Variants in HDAC4 observed in about 807,000 individuals in gnomAD.
HDAC4 encodes the protein histone deacetylase A.
In HDAC4, 16 loss-of-function variants were observed where a neutral mutation model predicts 135.1. The ratio of observed to expected loss-of-function variants is 0.12; its 90% CI spans 0.08 to 0.18. The LOEUF (loss-of-function observed/expected upper bound fraction) is 0.18. HDAC4 is among the 10% of genes least tolerant of loss of function. The probability of loss-of-function intolerance (pLI) is 1.00; values close to 1 mark genes in which losing one functional copy is unlikely to be tolerated. For missense variants in HDAC4, 1,143 were observed against 1,511.8 expected, an observed-to-expected ratio of 0.76 and a Z score of 4.05; for synonymous variants, 685 against 653.4, an observed-to-expected ratio of 1.05 and a Z score of -0.74.
At chr2:239,107,888 C>T (rs574078135) in intron 15 of HDAC4, among the ~76,000 whole-genome samples, 162 bp downstream of exon 15, 151 of 152,352 alleles carry the variant, frequency 9.9e-4, no homozygotes, top group African/African-American at 3.5e-3. Context: ...AGATAGCTGC[C>T]CGCCCAAATG....
chr2:239,257,846 A>C (rs563756820), intron 2 of HDAC4, among the ~76,000 whole-genome samples: 5 of 151,806 alleles, frequency 3.3e-5, no homozygotes, highest in African/African-American at 1.2e-4. Flanking sequence ...ACAACCCAAC[A>C]AAAAAAACCC....
Position 239,307,117 on chromosome 2 carries a change from A to AT in HDAC4, c.22+45560_22+45561insA, listed in dbSNP as rs2052634098. Among the ~76,000 whole-genome samples, 1 of 151,996 alleles carries AT rather than the reference A, an allele frequency of 6.6e-6. No homozygotes were observed. Among genetic ancestry groups the AT allele is most frequent in the East Asian group, 1.9e-4 (1 of 5,138 alleles). The stretch of plus-strand genomic sequence containing the variant: ...TGGCCCATCTCAGGCCACACCCTCC[A>AT]GCTCTGTGCCTGCCGTCCATCCTGG... On this transcript the variant is annotated intron_variant, in intron 2 of 26. Coordinates refer to ENST00000543185, the MANE Select transcript of HDAC4 (RefSeq NM_001378414.1). This position sits in a 1 kb window ranked among gnomAD's most constrained non-coding sequence, Gnocchi z 4.8.
chr2:239,122,081 C>A (rs1041094998), intron 12 of HDAC4, among the ~76,000 whole-genome samples: 1 of 152,198 alleles, frequency 6.6e-6, no homozygotes, highest in Non-Finnish European at 1.5e-5. Flanking sequence ...GAGTTCACGG[C>A]CAAAACCGAA....
At chr2:239,373,567 G>A (rs113744784) in intron 1 of HDAC4, among the ~76,000 whole-genome samples, 26 of 152,066 alleles carry the variant, frequency 1.7e-4, no homozygotes, top group African/African-American at 4.8e-4. Context: ...AGGTTCAAGC[G>A]ATTCTCTCAC....
chr2:239,352,571 A>AAAAAC lies in HDAC4; in HGVS notation c.22+102_22+106dup. 1 of 1,132,360 alleles carries AAAAAC rather than the reference A, an allele frequency of 8.8e-7. No homozygotes were observed. Among genetic ancestry groups the AAAAAC allele is most frequent in the African/African-American group, 1.6e-5 (1 of 64,452 alleles). 70.1% of individuals were successfully genotyped at this position (1,132,360 alleles called of 1,614,324 possible). On this transcript the variant is annotated intron_variant, in intron 2 of 26. Transcript: ENST00000543185. This position sits in a 1 kb window ranked among gnomAD's most constrained non-coding sequence, Gnocchi z 4.4. ...AAAACCAACAGTGACCACTATCAAGAAAAACAAAAGTCTCAAATCCAGAAA... is the reference window on the plus strand; with the variant it reads ...AAAACCAACAGTGACCACTATCAAGAAAAACAAAACAAAAGTCTCAAATCCAGAAA...
intron 15 of HDAC4, 149 bp downstream of exon 15, chr2:239,107,901 G>A: frequency 1.0e-6 from 1 of 972,920 alleles, no homozygotes; most frequent in Non-Finnish European, 1.6e-6. Flanking sequence ...CCCAAATGCA[G>A]ACAGTGAAGA....
intron 14 of HDAC4, 28 bp downstream of exon 14, chr2:239,111,498 C>T (rs2038668130): frequency 6.2e-7 from 1 of 1,603,240 alleles, no homozygotes; most frequent in Non-Finnish European, 8.5e-7. Context: ...GCGTTGCACC[C>T]TCAGGCTGCA....
rs75619022 is a variant in HDAC4, at chr2:239,086,830, G to C, written c.2444+729C>G. Among the ~76,000 whole-genome samples the C allele has an allele frequency of 9.0e-3, 1,364 of 152,304 alleles. 27 individuals carry two copies. Among genetic ancestry groups the C allele is most frequent in the African/African-American group, 0.031 (1,300 of 41,546 alleles). ...CACCGAAGCTGGCAAGATCAGGCAC[G>C]CCTTCTCCATCTCCAGAGCATGGGG... On this transcript the variant is annotated intron_variant, in intron 19 of 26. Coordinates refer to ENST00000543185, the MANE Select transcript of HDAC4 (RefSeq NM_001378414.1).
intron 4 of HDAC4, among the ~76,000 whole-genome samples, chr2:239,179,476 T>C (rs6741795): frequency 0.1 from 15,478 of 152,150 alleles, 2,446 homozygotes; most frequent in African/African-American, 0.34. Context: ...TTAGGATGCA[T>C]GGTCCTTATG....
At chr2:239,200,154 C>T (rs1465500608) in intron 3 of HDAC4, among the ~76,000 whole-genome samples, 1 of 152,150 alleles carries the variant, frequency 6.6e-6, no homozygotes, top group Admixed American at 6.5e-5. Flanking sequence ...TACGAACTAT[C>T]GATCTTTACT....
chr2:239,095,132 C>A, intron 16 of HDAC4, 76 bp from the exon 17 acceptor site: 1 of 1,519,030 alleles, frequency 6.6e-7, no homozygotes, highest in Non-Finnish European at 9.1e-7. Flanking sequence ...GGGCGCACTC[C>A]GGGGTCTTCA....
Position 239,068,623 on chromosome 2 carries a change from G to T in HDAC4, c.2751-16C>A, listed in dbSNP as rs779828228. 4.2e-5 allele frequency: 68 copies of T among 1,604,578 alleles called. No homozygotes were observed. The highest frequency in any genetic ancestry group is 5.3e-5 in the Non-Finnish European group (62 of 1,171,626). On this transcript the variant is annotated splice_polypyrimidine_tract_variant and intron_variant, in intron 22 of 26. Coordinates refer to ENST00000543185, the MANE Select transcript of HDAC4 (RefSeq NM_001378414.1). The surrounding 1 kb of genome is among the most constrained non-coding windows in gnomAD (Gnocchi z 4.4). ...GACCACCGTTCTGCAAAGGACAGGA[G>T]AAGGCGTTACTGGGTCAGCTGAAAG...
chr2:239,254,312 G>T (rs2048940355), intron 2 of HDAC4, among the ~76,000 whole-genome samples: 1 of 151,880 alleles, frequency 6.6e-6, no homozygotes, highest in African/African-American at 2.4e-5. Flanking sequence ...AATGATAGAT[G>T]GAAACAACCC....
chr2:239,381,972 T>C (rs1452750894), intron 1 of HDAC4, among the ~76,000 whole-genome samples: 1 of 152,234 alleles, frequency 6.6e-6, no homozygotes, highest in Non-Finnish European at 1.5e-5. Context: ...CACTGGGCTT[T>C]GGAAGCCAGG....
chr2:239,070,637 C>T (rs907000209), intron 22 of HDAC4, among the ~76,000 whole-genome samples: 4 of 152,216 alleles, frequency 2.6e-5, no homozygotes, highest in Non-Finnish European at 5.9e-5. Context: ...CCTCCCTTTC[C>T]TGGCGGACAG....
At chr2:239,391,421 T>C (rs144709753) in intron 1 of HDAC4, among the ~76,000 whole-genome samples, 186 of 152,290 alleles carry the variant, frequency 1.2e-3, no homozygotes, top group South Asian at 4.2e-3. Context: ...CAGAAAGTCC[T>C]GCAGGTGCAT....
intron 24 of HDAC4, among the ~76,000 whole-genome samples, chr2:239,064,298 A>G (rs142439042): frequency 2.2e-4 from 33 of 152,340 alleles, no homozygotes; most frequent in African/African-American, 7.9e-4. Flanking sequence ...TTAGGATTAC[A>G]GTGCTGGCCT....
intron 12 of HDAC4, among the ~76,000 whole-genome samples, chr2:239,116,582 G>A (rs1443891244): frequency 6.6e-6 from 1 of 152,196 alleles, no homozygotes; most frequent in Admixed American, 6.5e-5. Flanking sequence ...CACCTCCAGC[G>A]TCAACGCTTT....
At chr2:239,089,825 A>ACC in intron 18 of HDAC4, 184 bp downstream of exon 18, 1 of 633,992 alleles carries the variant, frequency 1.6e-6, no homozygotes, top group Non-Finnish European at 2.9e-6. Flanking sequence ...ATACCCTATC[A>ACC]CAAATGTGGG....
Sources: gnomAD v4.1 joint callset for allele counts (sites outside exome capture counted in the v4.1 genomes callset) on GRCh38, gnomAD v4.1.1 for gene constraint, Gnocchi (gnomAD v3.1) non-coding constraint, MANE v1.5 for transcripts, NCBI Gene and HGNC (gene_info 2026-07-23, HGNC 2026-07-21) for gene names.